Variants in SCAI observed in about 807,000 individuals in gnomAD.
SCAI encodes suppressor of cancer cell invasion.
A neutral mutation model predicts 92.2 loss-of-function variants in SCAI; 24 were observed. The ratio of observed to expected loss-of-function variants is 0.26; its 90% CI spans 0.19 to 0.37. SCAI has a LOEUF of 0.37. Ranked by LOEUF, SCAI falls within the 10% of genes least tolerant of loss-of-function variation. SCAI has a pLI of 1.00. For missense variants in SCAI, 450 were observed against 736.2 expected (o/e 0.61, Z 4.50); for synonymous variants, 261 against 258.6 (o/e 1.01, Z -0.09).
At chr9:125,083,216 C>T (rs990687456) in intron 2 of SCAI, among the ~76,000 whole-genome samples, 5 of 152,052 alleles carry the variant, frequency 3.3e-5, no homozygotes, top group African/African-American at 1.2e-4. Flanking sequence ...TGCTGCTATC[C>T]ATGTAAGATG....
chr9:125,057,899 G>A (rs1332682090), intron 2 of SCAI, among the ~76,000 whole-genome samples: 1 of 152,086 alleles, frequency 6.6e-6, no homozygotes, highest in African/African-American at 2.4e-5. Flanking sequence ...TTTGAGACCT[G>A]CCTGGGCAAT....
At chr9:124,970,163 T>A (rs1304802634) in intron 17 of SCAI, among the ~76,000 whole-genome samples, 1 of 152,174 alleles carries the variant, frequency 6.6e-6, no homozygotes, top group Non-Finnish European at 1.5e-5. Context: ...GTATCATTTA[T>A]ATAATAATAA....
At chr9:125,056,432 T>C (rs1833668874) in intron 2 of SCAI, among the ~76,000 whole-genome samples, 1 of 152,016 alleles carries the variant, frequency 6.6e-6, no homozygotes, top group Non-Finnish European at 1.5e-5. Flanking sequence ...GCCATTGCAC[T>C]CCAGCCTGGG....
At chr9:125,027,033 C>T in intron 5 of SCAI, 123 bp from the exon 6 acceptor site, 2 of 466,060 alleles carry the variant, frequency 4.3e-6, no homozygotes, top group South Asian at 4.8e-5. Context: ...AATGACTGTC[C>T]TAAATTTGAA....
At chr9:125,084,999 T>C (rs1666074574) in intron 2 of SCAI, among the ~76,000 whole-genome samples, 1 of 152,200 alleles carries the variant, frequency 6.6e-6, no homozygotes. Flanking sequence ...AGTTTCTTCA[T>C]TTGTATGGAG....
intron 2 of SCAI, among the ~76,000 whole-genome samples, chr9:125,067,603 C>T (rs534451407): frequency 2.6e-5 from 4 of 152,318 alleles, no homozygotes; most frequent in African/African-American, 9.6e-5. Context: ...TCTGCAACCA[C>T]TTAATTTTGG....
chr9:125,081,383 A>C (rs1317171228), intron 2 of SCAI, among the ~76,000 whole-genome samples: 1 of 152,172 alleles, frequency 6.6e-6, no homozygotes, highest in Admixed American at 6.6e-5. Flanking sequence ...GGAGATAAGG[A>C]ACTTGTTAGG....
At chr9:125,092,816 C>T (rs1834463088) in intron 2 of SCAI, among the ~76,000 whole-genome samples, 1 of 152,238 alleles carries the variant, frequency 6.6e-6, no homozygotes. Context: ...CTCTACTCTC[C>T]TTCACAGCAT....
intron 9 of SCAI, among the ~76,000 whole-genome samples, chr9:125,013,030 G>C (rs1282256884): frequency 2.6e-5 from 4 of 152,034 alleles, no homozygotes; most frequent in African/African-American, 9.7e-5. Context: ...ATTCAAAGCA[G>C]TGTGTAGAGG....
At chr9:124,965,188 A>G (rs1042971922) in intron 17 of SCAI, among the ~76,000 whole-genome samples, 2 of 152,102 alleles carry the variant, frequency 1.3e-5, no homozygotes, top group African/African-American at 2.4e-5. Context: ...TTGCTTTGTT[A>G]TATAATGAGT....
intron 14 of SCAI, among the ~76,000 whole-genome samples, chr9:124,984,238 G>A (rs75436531): frequency 0.031 from 4,780 of 152,240 alleles, 232 homozygotes; most frequent in East Asian, 0.23. Context: ...TGGCTGAAGA[G>A]AACTGAGCAA....
chr9:125,046,186 G>C, intron 3 of SCAI, among the ~76,000 whole-genome samples: 1 of 35,612 alleles, frequency 2.8e-5, no homozygotes, highest in African/African-American at 9.6e-5. Flanking sequence ...AGTGAATAAA[G>C]AAATTGTGAG....
At chr9:125,025,402 A>G (rs1278982565) in intron 6 of SCAI, among the ~76,000 whole-genome samples, 1 of 152,282 alleles carries the variant, frequency 6.6e-6, no homozygotes, top group Non-Finnish European at 1.5e-5. Context: ...TTAAGGTTAA[A>G]GCCAATTTCC....
At chr9:125,008,396 C>A (rs542932871) in intron 9 of SCAI, among the ~76,000 whole-genome samples, 1 of 152,126 alleles carries the variant, frequency 6.6e-6, no homozygotes, top group African/African-American at 2.4e-5. Flanking sequence ...CTAGGCCTCC[C>A]AAAGTAATGG....
chr9:125,135,971 C>CAAAAAA lies in SCAI; in HGVS notation c.98+6656_98+6661dup, dbSNP rs1359728011. Among the ~76,000 whole-genome samples, 26 of 81,052 alleles carry CAAAAAA rather than the reference C, an allele frequency of 3.2e-4. No homozygotes were observed. In the East Asian group the frequency reaches 7.1e-3, roughly 22 times the overall value. 53.2% of individuals were successfully genotyped at this position (81,052 alleles called of 152,430 possible). ...TCAACAAGCAAAACTCCATCTCAAACAAAAAAAAAAAAAACAAAAAAAAAA... is the reference window on the plus strand; with the variant it reads ...TCAACAAGCAAAACTCCATCTCAAACAAAAAAAAAAAAAAAAAAAACAAAAAAAAAA... On this transcript the variant is annotated intron_variant, in intron 2 of 17. Coordinates refer to ENST00000336505, the MANE Select transcript of SCAI (RefSeq NM_001144877.3).
chr9:125,065,874 T>C (rs1833859568), intron 2 of SCAI: 1 of 610,442 alleles, frequency 1.6e-6, no homozygotes, highest in African/African-American at 1.9e-5. Context: ...TTTGGTAAAA[T>C]TTAACATTGG....
intron 17 of SCAI, among the ~76,000 whole-genome samples, chr9:124,966,651 A>G (rs1831547860): frequency 6.6e-6 from 1 of 151,584 alleles, no homozygotes; most frequent in African/African-American, 2.4e-5. Context: ...TTTTTGTATG[A>G]TTTTATTTTT....
rs74309926 is a variant in SCAI, at chr9:125,023,030, A to C, written c.513-2261T>G. 7.9e-5 allele frequency among the ~76,000 whole-genome samples: 12 copies of C among 152,336 alleles called. No homozygotes were observed. In the East Asian group the frequency reaches 1.7e-3, roughly 22 times the overall value. ...TTCTTCTGAAGAATAAATGGATATC[A>C]GAATGGTTTAATTCTTTATCCCCTT... is the stretch of plus-strand genomic sequence containing the variant. On this transcript the variant is annotated intron_variant, in intron 6 of 17. Transcript: ENST00000336505.
In SCAI at chr9:125,143,507, A is replaced by C. The variant is rs975051621; in HGVS notation, c.-70T>G. The C allele has an allele frequency of 8.0e-7, 1 of 1,254,956 alleles. No individual in the cohort carries two copies. Among genetic ancestry groups the C allele is most frequent in the African/African-American group, 1.6e-5 (1 of 63,694 alleles). 77.7% of individuals were successfully genotyped at this position (1,254,956 alleles called of 1,614,324 possible). On this transcript the variant is annotated 5_prime_UTR_variant, in exon 1 of 18. Transcript: ENST00000336505. The stretch of plus-strand genomic sequence containing the variant: ...CTCGCTCGGGAAGCTGAGGCGGCGG[A>C]GGCTGGAGTAGGCGGAGAGGCGGGA...
Sources: gnomAD v4.1 joint callset for allele counts (sites outside exome capture counted in the v4.1 genomes callset) on GRCh38, gnomAD v4.1.1 for gene constraint, MANE v1.5 for transcripts, NCBI Gene and HGNC (gene_info 2026-07-23, HGNC 2026-07-21) for gene names.